Variants in SH3BP4 observed in about 807,000 individuals in gnomAD.
SH3BP4 encodes SH3 domain-binding protein 4.
A neutral mutation model predicts 65.5 loss-of-function variants in SH3BP4; 33 were observed. The ratio of observed to expected loss-of-function variants is 0.50; its 90% CI spans 0.38 to 0.67. The LOEUF (loss-of-function observed/expected upper bound fraction) is 0.67. Ranked by LOEUF, SH3BP4 falls within the 30% of genes least tolerant of loss-of-function variation. The pLI, the probability that SH3BP4 is intolerant of heterozygous loss-of-function variation, is 0.00. For missense variants in SH3BP4, 1,134 were observed against 1,261.4 expected, an observed-to-expected ratio of 0.90 and a Z score of 1.53; for synonymous variants, 552 against 545.5, an observed-to-expected ratio of 1.01 and a Z score of -0.17.
intron 2 of SH3BP4, among the ~76,000 whole-genome samples, chr2:235,004,157 A>G (rs991269968): frequency 6.6e-6 from 1 of 152,292 alleles, no homozygotes. Flanking sequence ...GTTATTTCTC[A>G]TAACAAAAAT....
At chr2:234,993,895 G>T (rs1693831777) in intron 1 of SH3BP4, among the ~76,000 whole-genome samples, 1 of 152,202 alleles carries the variant, frequency 6.6e-6, no homozygotes, top group South Asian at 2.1e-4. Context: ...AGCTGTGGTG[G>T]CACCTGCAGT....
chr2:234,998,148 T>G (rs1190782962), intron 2 of SH3BP4, among the ~76,000 whole-genome samples: 2 of 151,778 alleles, frequency 1.3e-5, no homozygotes, highest in Non-Finnish European at 2.9e-5. Context: ...AATAAAAAAG[T>G]CTCGGAGCCC....
At position 235,030,654 on chromosome 2, in the gene SH3BP4, G is replaced by A. The variant is rs780055598; in HGVS notation, c.-132-4217G>A. 3.3e-5 allele frequency among the ~76,000 whole-genome samples: 5 copies of A among 152,094 alleles called. No individual in the cohort carries two copies. Among genetic ancestry groups the A allele is most frequent in the Non-Finnish European group, 5.9e-5 (4 of 68,008 alleles). ...GAGCTGGGAGGAGGAGGAGGGGTGGGAGGGGAGAGGATTCTGCTGTAGGAA... is the reference window on the plus strand; with the variant it reads ...GAGCTGGGAGGAGGAGGAGGGGTGGAAGGGGAGAGGATTCTGCTGTAGGAA... On this transcript the variant is annotated intron_variant, in intron 2 of 5. Transcript: ENST00000392011. This position sits in a 1 kb window ranked among gnomAD's most constrained non-coding sequence, Gnocchi z 4.1.
chr2:235,027,288 C>G (rs917376749), intron 2 of SH3BP4, among the ~76,000 whole-genome samples: 2 of 152,208 alleles, frequency 1.3e-5, no homozygotes, highest in Non-Finnish European at 1.5e-5. Flanking sequence ...GTGTTAACCC[C>G]GTGGTCTCCT....
rs151095456 is a variant in SH3BP4 at position 235,042,300 on chromosome 2, C to G, written c.1531C>G (p.Arg511Gly). The G allele has an allele frequency of 1.7e-5, 28 of 1,613,994 alleles. No homozygotes were observed. The highest frequency in any genetic ancestry group is 2.3e-5 in the Non-Finnish European group (27 of 1,180,042). The change falls in exon 4 of 6, where the codon CGC becomes GGC. Residue 511 changes from arginine to glycine, a missense_variant. Coordinates refer to ENST00000392011, the MANE Select transcript of SH3BP4 (RefSeq NM_014521.3). The surrounding 1 kb of genome is among the most constrained non-coding windows in gnomAD (Gnocchi z 7.3). ...GACGCTCCTGGTCAGCGAGGTCACA[C>G]GCCAGGCACCCAACCCTGCCCCGGT... is the stretch of plus-strand genomic sequence containing the variant. ...PKTLLVSEVT[R>G]QAPNPAPVAL...
Position 234,977,381 on chromosome 2 carries a change from C to T in SH3BP4, c.-206-17922C>T, listed in dbSNP as rs188266797. On this transcript the variant is annotated intron_variant, in intron 1 of 5. Coordinates refer to ENST00000392011, the MANE Select transcript of SH3BP4 (RefSeq NM_014521.3). This position sits in a 1 kb window ranked among gnomAD's most constrained non-coding sequence, Gnocchi z 5.1. ...TTTTCCCAACAGCACATCCTTTGTT[C>T]TCTCCAGCCCAGACGTGTAGAGGTG... is the stretch of plus-strand genomic sequence containing the variant. Among the ~76,000 whole-genome samples the T allele has an allele frequency of 3.5e-3, 530 of 152,340 alleles. 2 individuals carry two copies. Among genetic ancestry groups the T allele is most frequent in the Non-Finnish European group, 5.2e-3 (353 of 68,034 alleles).
At chr2:234,981,453 C>G (rs73124237) in intron 1 of SH3BP4, among the ~76,000 whole-genome samples, 1 of 152,184 alleles carries the variant, frequency 6.6e-6, no homozygotes, top group African/African-American at 2.4e-5. Context: ...CCCTCACAGC[C>G]AGGCCAGTGC....
At position 235,042,894 on chromosome 2, in the gene SH3BP4, G is replaced by A; in HGVS notation, c.2125G>A (p.Gly709Ser). The change falls in exon 4 of 6, where the codon GGC becomes AGC. Residue 709 changes from glycine to serine, a missense_variant. Coordinates refer to ENST00000392011, the MANE Select transcript of SH3BP4 (RefSeq NM_014521.3). This position sits in a 1 kb window ranked among gnomAD's most constrained non-coding sequence, Gnocchi z 7.3. ...GGAGTGGTACATCGGCTACTACCAGGGCAGGGTGGGCCTCGTGCACACCAA... is the reference window on the plus strand; with the variant it reads ...GGAGTGGTACATCGGCTACTACCAGAGCAGGGTGGGCCTCGTGCACACCAA... ...TKEWYIGYYQGRVGLVHTKNV... is the reference protein window; with the variant it reads ...TKEWYIGYYQSRVGLVHTKNV... 2.5e-6 allele frequency: 4 copies of A among 1,613,458 alleles called. No homozygotes were observed. The highest frequency in any genetic ancestry group is 3.4e-6 in the Non-Finnish European group (4 of 1,179,938).
intron 5 of SH3BP4, 54 bp from the exon 6 acceptor site, chr2:235,053,538 C>T: frequency 7.2e-7 from 1 of 1,385,476 alleles, no homozygotes; most frequent in Non-Finnish European, 1.0e-6. Context: ...CGTTCTGTCT[C>T]CTAATCTTTC....
intron 1 of SH3BP4, among the ~76,000 whole-genome samples, chr2:234,983,050 C>A (rs1383960530): frequency 6.6e-6 from 1 of 152,194 alleles, no homozygotes; most frequent in Non-Finnish European, 1.5e-5. Flanking sequence ...TCTGTTCAGG[C>A]AGCAGGTGCT....
chr2:235,004,529 C>T (rs1312401679), intron 2 of SH3BP4, among the ~76,000 whole-genome samples: 1 of 152,206 alleles, frequency 6.6e-6, no homozygotes, highest in Non-Finnish European at 1.5e-5. Context: ...GTCGCTGCCC[C>T]TCCTTCCCGC....
intron 2 of SH3BP4, among the ~76,000 whole-genome samples, chr2:235,017,445 CAAA>C (rs556712981): frequency 1.1e-4 from 8 of 74,946 alleles, no homozygotes; most frequent in Admixed American, 1.5e-4. Context: ...GACTCAGTCT[CAAA>C]AAAAAAAAAA....
At position 235,034,048 on chromosome 2, in the gene SH3BP4, C is replaced by T. The variant is rs115780983; in HGVS notation, c.-132-823C>T. On this transcript the variant is annotated intron_variant, in intron 2 of 5. Transcript: ENST00000392011. The surrounding 1 kb of genome is among the most constrained non-coding windows in gnomAD (Gnocchi z 6.2). Reference sequence around the variant, plus strand: ...GAAATTCACTGCTTTGAAATCGGCTCGCTGCTGTTCCTGTCCCTTCTCCCT... The same window carrying T: ...GAAATTCACTGCTTTGAAATCGGCTTGCTGCTGTTCCTGTCCCTTCTCCCT... 2.9e-3 allele frequency among the ~76,000 whole-genome samples: 446 copies of T among 152,190 alleles called. 3 individuals are homozygous for T. Among genetic ancestry groups the T allele is most frequent in the African/African-American group, 1.0e-2 (415 of 41,520 alleles).
chr2:234,987,490 G>A (rs1693600358), intron 1 of SH3BP4, among the ~76,000 whole-genome samples: 1 of 152,208 alleles, frequency 6.6e-6, no homozygotes, highest in Admixed American at 6.5e-5. Flanking sequence ...AGGTCGTGGA[G>A]CTGGTGTGAG....
At chr2:234,987,662 C>G (rs1693608888) in intron 1 of SH3BP4, among the ~76,000 whole-genome samples, 1 of 152,146 alleles carries the variant, frequency 6.6e-6, no homozygotes, top group Non-Finnish European at 1.5e-5. Flanking sequence ...GAGACACTCT[C>G]CTTGGCTTGC....
intron 4 of SH3BP4, among the ~76,000 whole-genome samples, chr2:235,050,261 GC>G (rs749612050): frequency 3.9e-5 from 6 of 152,090 alleles, no homozygotes; most frequent in Non-Finnish European, 7.4e-5. Context: ...GACTACAGGT[GC>G]CCGCCACCAC....
chr2:235,038,339 G>A (rs1346060046), intron 3 of SH3BP4, among the ~76,000 whole-genome samples: 85 of 12,056 alleles, frequency 7.1e-3, no homozygotes, highest in Non-Finnish European at 0.014. Context: ...ATTATATATA[G>A]TATATATATT....
chr2:234,970,741 C>G (rs1692977593), intron 1 of SH3BP4, among the ~76,000 whole-genome samples: 1 of 152,176 alleles, frequency 6.6e-6, no homozygotes, highest in Non-Finnish European at 1.5e-5. Context: ...GTTTCCATGT[C>G]TGTATTCCCA....
intron 2 of SH3BP4, among the ~76,000 whole-genome samples, chr2:235,001,428 C>T (rs1201976122): frequency 6.6e-6 from 1 of 152,132 alleles, no homozygotes; most frequent in Non-Finnish European, 1.5e-5. Context: ...CGAGGCGGGA[C>T]CTAATGGGGC....
Sources: gnomAD v4.1 joint callset for allele counts (sites outside exome capture counted in the v4.1 genomes callset) on GRCh38, gnomAD v4.1.1 for gene constraint, Gnocchi (gnomAD v3.1) non-coding constraint, MANE v1.5 for transcripts, NCBI Gene and HGNC (gene_info 2026-07-23, HGNC 2026-07-21) for gene names.